The following THSD4 variants were observed in gnomAD, a reference collection of about 807,000 sequenced individuals.
THSD4 encodes the protein thrombospondin type 1 domain containing 4.
In THSD4, 69 loss-of-function variants were observed where a neutral mutation model predicts 119.0. That is an observed-to-expected ratio of 0.58 (90% CI 0.48 to 0.71). THSD4 has a LOEUF of 0.71. Ranked by LOEUF, THSD4 falls within the 30% of genes least tolerant of loss-of-function variation. The pLI is 0.00. For synonymous variants in THSD4, 524 were observed against 540.4 expected (o/e 0.97, Z 0.42); for missense variants, 1,393 against 1,391.1 (o/e 1.00, Z -0.02).
At chr15:71,721,515 A>G (rs1249988019) in intron 8 of THSD4, among the ~76,000 whole-genome samples, 1 of 151,764 alleles carries the variant, frequency 6.6e-6, no homozygotes, top group Admixed American at 6.6e-5. Context: ...TTAAAAAAAA[A>G]AAAAATTAGC....
chr15:71,738,341 TAACA>T, intron 11 of THSD4: 1 of 249,894 alleles, frequency 4.0e-6, no homozygotes, highest in Admixed American at 5.1e-5. Context: ...ACCTGGTTCC[TAACA>T]GGCCATGGAC....
chr15:71,397,614 AC>A (rs1267455691), intron 6 of THSD4, among the ~76,000 whole-genome samples: 1 of 152,234 alleles, frequency 6.6e-6, no homozygotes, highest in Non-Finnish European at 1.5e-5. Flanking sequence ...ACTGTCCTTG[AC>A]CTTGAGAGGG....
chr15:71,464,617 G>A (rs928208952), intron 7 of THSD4, among the ~76,000 whole-genome samples: 33 of 152,036 alleles, frequency 2.2e-4, no homozygotes, highest in African/African-American at 7.5e-4. Flanking sequence ...ACTTTTACCT[G>A]CAACACACTC....
rs1376558533 is a variant in THSD4, at chr15:71,782,401, A to T, written c.*5027A>T. 6.6e-6 allele frequency: 1 copy of T among 152,250 alleles called. No homozygotes were observed. The highest frequency in any genetic ancestry group is 1.5e-5 in the Non-Finnish European group (1 of 68,068). 9.4% of individuals were successfully genotyped at this position (152,250 alleles called of 1,614,324 possible). ...TGACCCCTTCCCCACGACTCAGTTG[A>T]CAGAAGGATATACTTTGTTATAACT... On this transcript the variant is annotated 3_prime_UTR_variant, in exon 18 of 18. Transcript: ENST00000261862.
intron 1 of THSD4, among the ~76,000 whole-genome samples, chr15:71,104,713 A>C (rs10048029): frequency 0.23 from 34,828 of 152,090 alleles, 5,213 homozygotes; most frequent in African/African-American, 0.43. Context: ...GTTCGGCCCG[A>C]AAAGGTGTGA....
chr15:71,731,248 C>T (rs1156297698), intron 10 of THSD4, 31 bp downstream of exon 10: 1 of 1,597,130 alleles, frequency 6.3e-7, no homozygotes, highest in Non-Finnish European at 8.6e-7. Flanking sequence ...GCCGGGGACT[C>T]TGGTCATTTC....
chr15:71,681,641 C>CTCTAG (rs2051780869), intron 8 of THSD4, among the ~76,000 whole-genome samples: 1 of 148,514 alleles, frequency 6.7e-6, no homozygotes, highest in African/African-American at 2.5e-5. Flanking sequence ...TTCCACTTAA[C>CTCTAG]TCTAGCCTGG....
chr15:71,199,474 GTGTGTGTGTGT>G (rs2043750096), intron 3 of THSD4, among the ~76,000 whole-genome samples: 1 of 88,064 alleles, frequency 1.1e-5, no homozygotes, highest in African/African-American at 3.2e-5. Flanking sequence ...TGTGTGTGTG[GTGTGTGTGTGT>G]GGGGTGTGTG....
intron 7 of THSD4, among the ~76,000 whole-genome samples, chr15:71,564,938 A>G (rs1298082012): frequency 6.6e-6 from 1 of 152,000 alleles, no homozygotes; most frequent in Non-Finnish European, 1.5e-5. Flanking sequence ...TTAAATAGTC[A>G]TACTAAATGG....
intron 7 of THSD4, among the ~76,000 whole-genome samples, chr15:71,452,897 G>A (rs2047285858): frequency 6.6e-6 from 1 of 152,214 alleles, no homozygotes; most frequent in Admixed American, 6.5e-5. Context: ...TTACAGGCAT[G>A]AGCCACTGCA....
intron 4 of THSD4, among the ~76,000 whole-genome samples, chr15:71,234,451 T>C (rs1225169187): frequency 6.6e-6 from 1 of 152,136 alleles, no homozygotes. Flanking sequence ...ACCACAGGCA[T>C]ATACCCACCA....
At chr15:71,548,821 C>T (rs1043928250) in intron 7 of THSD4, among the ~76,000 whole-genome samples, 2 of 152,122 alleles carry the variant, frequency 1.3e-5, no homozygotes, top group African/African-American at 4.8e-5. Context: ...TTTAAGCAGG[C>T]GAGAGGAGAG....
chr15:71,568,644 A>C (rs1246657998), intron 7 of THSD4, among the ~76,000 whole-genome samples: 2 of 147,920 alleles, frequency 1.4e-5, no homozygotes, highest in Admixed American at 1.4e-4. Flanking sequence ...ACAACGTGCT[A>C]GTTTGTCACA....
chr15:71,590,774 C>A (rs1595762560), intron 7 of THSD4, among the ~76,000 whole-genome samples: 1 of 151,978 alleles, frequency 6.6e-6, no homozygotes, highest in Non-Finnish European at 1.5e-5. Flanking sequence ...GAGGCCAAGG[C>A]AGGCGGATCA....
intron 6 of THSD4, among the ~76,000 whole-genome samples, chr15:71,344,268 C>T (rs1005633757): frequency 6.6e-6 from 1 of 151,958 alleles, no homozygotes; most frequent in African/African-American, 2.4e-5. Flanking sequence ...TGGTCTCGAT[C>T]TCCTGACCTC....
At chr15:71,554,508 C>G (rs2048987884) in intron 7 of THSD4, among the ~76,000 whole-genome samples, 1 of 152,158 alleles carries the variant, frequency 6.6e-6, no homozygotes, top group South Asian at 2.1e-4. Context: ...CCTGCCTCAG[C>G]CTTCCAAGTA....
intron 2 of THSD4, among the ~76,000 whole-genome samples, chr15:71,154,240 G>A (rs776531781): frequency 2.0e-5 from 3 of 152,126 alleles, no homozygotes; most frequent in Admixed American, 6.5e-5. Context: ...TGTCTCAGCC[G>A]GCTCCTATTT....
Position 71,779,873 on chromosome 15 carries a change from C to T in THSD4, c.*2499C>T, listed in dbSNP as rs2053972272. ...TTTTTTTTTTCAACAAACCATTGAGCTGTTCTTGGAGTTCATCTCTGGAGA... is the reference window on the plus strand; with the variant it reads ...TTTTTTTTTTCAACAAACCATTGAGTTGTTCTTGGAGTTCATCTCTGGAGA... On this transcript the variant is annotated 3_prime_UTR_variant, in exon 18 of 18. Coordinates refer to ENST00000261862, the MANE Select transcript of THSD4 (RefSeq NM_024817.3). The T allele has an allele frequency of 6.6e-6, 1 of 150,692 alleles. No homozygotes were observed. Among genetic ancestry groups the T allele is most frequent in the Admixed American group, 6.6e-5 (1 of 15,150 alleles). The allele number at this position is 150,692 out of a possible 1,614,324, so 9.3% of individuals were successfully genotyped here.
At chr15:71,108,452 A>G (rs971496884) in intron 1 of THSD4, among the ~76,000 whole-genome samples, 57 of 152,324 alleles carry the variant, frequency 3.7e-4, no homozygotes, top group Middle Eastern at 3.4e-3. Context: ...GAAGATCCTT[A>G]GCTTTAACAT....
Sources: allele counts gnomAD v4.1 joint callset (sites outside exome capture counted in the v4.1 genomes callset), GRCh38; gene constraint gnomAD v4.1.1; transcripts MANE v1.5; gene names NCBI Gene and HGNC (gene_info 2026-07-23, HGNC 2026-07-21).